The following ZNF618 variants were observed in gnomAD, a reference collection of about 807,000 sequenced individuals.
The protein encoded by ZNF618 is zinc finger protein 618.
A neutral mutation model predicts 103.0 loss-of-function variants in ZNF618; 34 were observed. The observed-to-expected ratio is 0.33, with a 90% CI of 0.25 to 0.44. ZNF618 has a LOEUF of 0.44. ZNF618 is among the 20% of genes least tolerant of loss of function. The pLI is 1.00. For synonymous variants in ZNF618, 551 were observed against 542.2 expected (o/e 1.02, Z -0.23); for missense variants, 1,059 against 1,295.4 (o/e 0.82, Z 2.80).
At chr9:114,037,716 A>C (rs1272114893) in intron 13 of ZNF618, among the ~76,000 whole-genome samples, 2 of 152,236 alleles carry the variant, frequency 1.3e-5, no homozygotes, top group Non-Finnish European at 2.9e-5. Context: ...CTTTTAGGCT[A>C]AGTACTGTTC....
chr9:113,921,003 C>T (rs944068448), intron 1 of ZNF618, among the ~76,000 whole-genome samples: 1 of 152,216 alleles, frequency 6.6e-6, no homozygotes, highest in African/African-American at 2.4e-5. Flanking sequence ...AGCATGCACG[C>T]TCCATCAGGT....
chr9:113,979,980 AG>A (rs913628139), intron 2 of ZNF618, among the ~76,000 whole-genome samples: 2 of 152,050 alleles, frequency 1.3e-5, no homozygotes, highest in African/African-American at 4.8e-5. Context: ...GACAGGAGAA[AG>A]GGGGGGTGGC....
At chr9:114,041,873 T>G (rs1015400724) in intron 13 of ZNF618, among the ~76,000 whole-genome samples, 1 of 152,220 alleles carries the variant, frequency 6.6e-6, no homozygotes, top group Non-Finnish European at 1.5e-5. Context: ...AAGAAAGTCA[T>G]CGGTAGCTTG....
At chr9:113,969,356 C>G (rs114121112) in intron 2 of ZNF618, among the ~76,000 whole-genome samples, 196 bp downstream of exon 2, 51 of 152,302 alleles carry the variant, frequency 3.3e-4, no homozygotes, top group African/African-American at 1.2e-3. Flanking sequence ...CTACCTGTGA[C>G]CAGAATCCAA....
At position 113,876,727 on chromosome 9, in the gene ZNF618, T is replaced by G. The variant is rs1196040309; in HGVS notation, c.33+314T>G. The stretch of plus-strand genomic sequence containing the variant: ...AGAGCAGCCATTTCAGTTTGGACAA[T>G]TCACATTTTGCAAAAATGCAACCCC... On this transcript the variant is annotated intron_variant, in intron 1 of 14. Coordinates refer to ENST00000374126, the MANE Select transcript of ZNF618 (RefSeq NM_001318042.2). 2.0e-5 allele frequency among the ~76,000 whole-genome samples: 3 copies of G among 151,870 alleles called. No homozygotes were observed. The South Asian group carries it at 6.2e-4, about 32-fold the overall frequency.
chr9:113,963,468 C>T (rs1837057036), intron 1 of ZNF618, among the ~76,000 whole-genome samples: 1 of 152,138 alleles, frequency 6.6e-6, no homozygotes, highest in African/African-American at 2.4e-5. Flanking sequence ...CCATTTCTCT[C>T]TGGGTTCATG....
chr9:113,912,164 G>A (rs1831613716), intron 1 of ZNF618, among the ~76,000 whole-genome samples: 1 of 152,198 alleles, frequency 6.6e-6, no homozygotes. Flanking sequence ...AAGGAGATTG[G>A]AGGAATGGTG....
chr9:113,952,139 G>T (rs1451430968), intron 1 of ZNF618, among the ~76,000 whole-genome samples: 1 of 152,054 alleles, frequency 6.6e-6, no homozygotes. Flanking sequence ...TACTACACTT[G>T]TGAAGCCAGG....
chr9:114,013,467 G>T (rs1002416399), intron 9 of ZNF618, among the ~76,000 whole-genome samples: 27 of 152,164 alleles, frequency 1.8e-4, no homozygotes, highest in Non-Finnish European at 2.9e-4. Flanking sequence ...GTCTCACTCT[G>T]TCGCCCAGGC....
At chr9:113,951,406 T>TATATACACAC (rs1588131508) in intron 1 of ZNF618, among the ~76,000 whole-genome samples, 1 of 134,660 alleles carries the variant, frequency 7.4e-6, no homozygotes, top group East Asian at 2.4e-4. Context: ...TATATACGTA[T>TATATACACAC]ATATACACAC....
At chr9:114,025,102 A>C (rs1017670580) in intron 10 of ZNF618, among the ~76,000 whole-genome samples, 1 of 152,182 alleles carries the variant, frequency 6.6e-6, no homozygotes, top group Non-Finnish European at 1.5e-5. Context: ...GCAGGAAGCT[A>C]GTCTTGTATC....
intron 2 of ZNF618, among the ~76,000 whole-genome samples, chr9:113,984,545 A>G (rs989902330): frequency 3.3e-5 from 5 of 152,174 alleles, no homozygotes; most frequent in African/African-American, 9.7e-5. Flanking sequence ...CCCTTCCCCT[A>G]CCAGGATGCC....
chr9:113,920,398 A>T (rs1339884710), intron 1 of ZNF618, among the ~76,000 whole-genome samples: 5 of 129,814 alleles, frequency 3.9e-5, no homozygotes, highest in African/African-American at 1.4e-4. Flanking sequence ...TTATTTTCAG[A>T]GTCACAATTT....
chr9:113,998,693 T>G (rs1840870121), intron 4 of ZNF618, among the ~76,000 whole-genome samples: 1 of 152,212 alleles, frequency 6.6e-6, no homozygotes. Flanking sequence ...GACCCTGGGT[T>G]AAACAGTAGC....
chr9:113,986,343 C>T (rs138505752), intron 2 of ZNF618, among the ~76,000 whole-genome samples: 205 of 152,350 alleles, frequency 1.3e-3, no homozygotes, highest in African/African-American at 3.3e-3. Context: ...ACTCGTGTTC[C>T]GTCCATCTGA....
chr9:113,946,395 C>T lies in ZNF618; in HGVS notation c.34-22722C>T, dbSNP rs1201637411. Among the ~76,000 whole-genome samples, 5 of 95,634 alleles carry T rather than the reference C, an allele frequency of 5.2e-5. No individual in the cohort carries two copies. The East Asian group carries it at 1.1e-3, about 21-fold the overall frequency. 62.7% of individuals were successfully genotyped at this position (95,634 alleles called of 152,430 possible). On this transcript the variant is annotated intron_variant, in intron 1 of 14. Transcript: ENST00000374126. The stretch of plus-strand genomic sequence containing the variant: ...ATGCAATTAGTGAAGTGGGGGAAGT[C>T]TTCAAAAAAAAAAAAAAAAAAGATG...
intron 1 of ZNF618, among the ~76,000 whole-genome samples, chr9:113,934,009 A>G (rs1044576664): frequency 1.3e-5 from 2 of 152,036 alleles, no homozygotes; most frequent in Non-Finnish European, 2.9e-5. Flanking sequence ...ACCTGGGAGC[A>G]GGGGTTGAGC....
intron 1 of ZNF618, among the ~76,000 whole-genome samples, chr9:113,928,639 T>C (rs1833303006): frequency 6.6e-6 from 1 of 152,178 alleles, no homozygotes; most frequent in South Asian, 2.1e-4. Flanking sequence ...CTTTTCTTTG[T>C]TTTTTGTTTT....
At chr9:114,007,231 C>T in intron 6 of ZNF618, 119 bp from the exon 7 acceptor site, 1 of 765,124 alleles carries the variant, frequency 1.3e-6, no homozygotes. Context: ...CTGCTTCCTC[C>T]CTCCGCTAGC....
Sources: allele counts gnomAD v4.1 joint callset (sites outside exome capture counted in the v4.1 genomes callset), GRCh38; gene constraint gnomAD v4.1.1; transcripts MANE v1.5; gene names NCBI Gene and HGNC (gene_info 2026-07-23, HGNC 2026-07-21).